Variants in RAD18 observed in about 807,000 individuals in gnomAD.
RAD18 encodes the protein RAD18 E3 ubiquitin protein ligase, also known as E3 ubiquitin-protein ligase RAD18.
Under a neutral mutation model 60.4 loss-of-function variants are expected in RAD18, and 47 were observed. That is an observed-to-expected ratio of 0.78 (90% CI 0.62 to 0.99). The LOEUF (loss-of-function observed/expected upper bound fraction) is 0.99, where lower values mean the gene tolerates loss of function less well. Ranked by LOEUF, RAD18 falls within the 50% of genes least tolerant of loss-of-function variation. The pLI is 0.00. For missense variants in RAD18, 640 were observed against 593.3 expected, an observed-to-expected ratio of 1.08 and a Z score of -0.82; for synonymous variants, 225 against 195.5, an observed-to-expected ratio of 1.15 and a Z score of -1.26.
At chr3:8,961,653 A>T (rs1373419229) in intron 1 of RAD18, among the ~76,000 whole-genome samples, 1 of 152,188 alleles carries the variant, frequency 6.6e-6, no homozygotes, top group Non-Finnish European at 1.5e-5. Flanking sequence ...TGTGTTATAA[A>T]GGAGATTAAA....
At chr3:8,956,750 T>TAAAAAAAAA (rs59945420) in intron 2 of RAD18, among the ~76,000 whole-genome samples, 3,177 of 137,646 alleles carry the variant, frequency 0.023, 63 homozygotes, top group Non-Finnish European at 0.031. Context: ...ATTCATGATT[T>TAAAAAAAAA]AAAAAAAAAA....
chr3:8,887,070 C>G (rs757757282), intron 12 of RAD18, among the ~76,000 whole-genome samples: 8 of 152,168 alleles, frequency 5.3e-5, no homozygotes, highest in Non-Finnish European at 8.8e-5. Flanking sequence ...AAAGGGCCTG[C>G]AGGAGTAAGC....
At chr3:8,954,583 A>G (rs1481125117) in intron 2 of RAD18, among the ~76,000 whole-genome samples, 1 of 152,186 alleles carries the variant, frequency 6.6e-6, no homozygotes, top group Non-Finnish European at 1.5e-5. Flanking sequence ...ATTTGGATCA[A>G]TTTAATTGAC....
chr3:8,958,247 T>G lies in RAD18; in HGVS notation c.133+673A>C, dbSNP rs528035413. On this transcript the variant is annotated intron_variant, in intron 2 of 12. Transcript: ENST00000264926. ...TTTCTTAGGCCTAAGTTGACTGTTT[T>G]TAACTTTCCAAGATAAATCAACTTG... Among the ~76,000 whole-genome samples, 6 of 152,340 alleles carry G rather than the reference T, an allele frequency of 3.9e-5. No individual in the cohort carries two copies. The South Asian group carries it at 1.0e-3, about 26-fold the overall frequency.
chr3:8,936,198 A>G, intron 6 of RAD18, 143 bp from the exon 7 acceptor site: 1 of 834,770 alleles, frequency 1.2e-6, no homozygotes, highest in East Asian at 2.9e-5. Flanking sequence ...AGAAAAATCA[A>G]GTTTGTGGAT....
At chr3:8,929,946 A>T (rs1940521515) in intron 7 of RAD18, among the ~76,000 whole-genome samples, 1 of 152,128 alleles carries the variant, frequency 6.6e-6, no homozygotes. Context: ...TGCGCCCGGC[A>T]CAGCTGGAAC....
chr3:8,907,435 G>A (rs1940029825), intron 9 of RAD18, among the ~76,000 whole-genome samples: 1 of 152,108 alleles, frequency 6.6e-6, no homozygotes, highest in Non-Finnish European at 1.5e-5. Flanking sequence ...CAGAATGGCT[G>A]GGCTCCTGGC....
intron 2 of RAD18, among the ~76,000 whole-genome samples, chr3:8,951,886 C>G (rs1346789033): frequency 6.6e-6 from 1 of 152,066 alleles, no homozygotes. Context: ...ATGCTGAAAG[C>G]TCTCTTTCTG....
chr3:8,962,110 A>G (rs648153), intron 1 of RAD18, among the ~76,000 whole-genome samples: 129,082 of 152,302 alleles, frequency 0.85, 55,009 homozygotes, highest in African/African-American at 0.92. Context: ...GTGAATACAC[A>G]GCAGAATCTG....
Position 8,940,334 on chromosome 3 carries a change from A to G in RAD18, c.605-681T>C, listed in dbSNP as rs9837891. Among the ~76,000 whole-genome samples the G allele has an allele frequency of 2.7e-3, 407 of 152,268 alleles. 2 individuals are homozygous for G. Among genetic ancestry groups the G allele is most frequent in the African/African-American group, 9.1e-3 (378 of 41,568 alleles). On this transcript the variant is annotated intron_variant, in intron 5 of 12. Transcript: ENST00000264926. ...ACGTTATGGTTTATCGTAAAATTTC[A>G]TTTGGGAAAAAAGGTTCCGCTAGGG... is the stretch of plus-strand genomic sequence containing the variant.
At position 8,910,525 on chromosome 3, in the gene RAD18, G is replaced by A. The variant is rs548991376; in HGVS notation, c.1027+1787C>T. Among the ~76,000 whole-genome samples, 11 of 151,894 alleles carry A rather than the reference G, an allele frequency of 7.2e-5. No individual in the cohort carries two copies. In the South Asian group the frequency reaches 1.7e-3, roughly 23 times the overall value. ...CAGGAGGCTGAGGCAGGAGAATGGC[G>A]TGAACCCAGGAGGCAGAGCTTGCAG... On this transcript the variant is annotated intron_variant, in intron 9 of 12. Coordinates refer to ENST00000264926, the MANE Select transcript of RAD18 (RefSeq NM_020165.4).
At chr3:8,938,501 C>T (rs1328537460) in intron 6 of RAD18, among the ~76,000 whole-genome samples, 1 of 152,210 alleles carries the variant, frequency 6.6e-6, no homozygotes, top group Non-Finnish European at 1.5e-5. Context: ...CTTTCATCCC[C>T]ACTTCTCAGA....
Position 8,941,582 on chromosome 3 carries a change from C to T in RAD18, c.489G>A (p.Ala163=), listed in dbSNP as rs1463733637. 7 of 1,614,118 alleles carry T rather than the reference C, an allele frequency of 4.3e-6. No individual in the cohort carries two copies. The highest frequency in any genetic ancestry group is 2.2e-5 in the East Asian group (1 of 44,884). ...NKSKFSPQKE[A]SPAAKTKETR... The stretch of plus-strand genomic sequence containing the variant: ...TCTCTTTGGTCTTTGCAGCAGGGCT[C>T]GCCTCTTTTTGAGGGCTGAATTTGC... The change falls in exon 5 of 13, where the codon GCG becomes GCA. Residue 163 remains alanine, a synonymous_variant. Coordinates refer to ENST00000264926, the MANE Select transcript of RAD18 (RefSeq NM_020165.4).
At chr3:8,893,796 A>C (rs1939739253) in intron 11 of RAD18, among the ~76,000 whole-genome samples, 1 of 150,396 alleles carries the variant, frequency 6.6e-6, no homozygotes, top group Non-Finnish European at 1.5e-5. Context: ...TCCTGTGCTC[A>C]AGGAATCCTC....
intron 9 of RAD18, among the ~76,000 whole-genome samples, chr3:8,908,388 A>C (rs1188380953): frequency 6.6e-6 from 1 of 152,160 alleles, no homozygotes; most frequent in East Asian, 1.9e-4. Context: ...CCCTAATCCA[A>C]TATGACTGAT....
At chr3:8,924,740 C>G (rs552918677) in intron 7 of RAD18, among the ~76,000 whole-genome samples, 2 of 128,648 alleles carry the variant, frequency 1.6e-5, no homozygotes, top group African/African-American at 5.9e-5. Context: ...CAAACTAGAA[C>G]TCAGGATTAA....
chr3:8,912,037 C>A (rs948609552), intron 9 of RAD18, among the ~76,000 whole-genome samples: 3 of 152,154 alleles, frequency 2.0e-5, no homozygotes, highest in Non-Finnish European at 2.9e-5. Flanking sequence ...ATCCCAGCTT[C>A]TTTTCACAGA....
chr3:8,884,691 T>C (rs1019032785), intron 12 of RAD18, among the ~76,000 whole-genome samples: 1 of 152,206 alleles, frequency 6.6e-6, no homozygotes, highest in Admixed American at 6.5e-5. Flanking sequence ...GACACAGCTA[T>C]TGAGGTAGTG....
chr3:8,881,267 C>T lies in RAD18; in HGVS notation c.*90G>A. Reference sequence around the variant, plus strand: ...TAATATTTAGAATTTAGCATCTTTCCTTGGGCATTTATAAATAGAAAATCT... The same window carrying T: ...TAATATTTAGAATTTAGCATCTTTCTTTGGGCATTTATAAATAGAAAATCT... On this transcript the variant is annotated 3_prime_UTR_variant, in exon 13 of 13. Transcript: ENST00000264926. 1 of 1,034,428 alleles carries T rather than the reference C, an allele frequency of 9.7e-7. No homozygotes were observed. Among genetic ancestry groups the T allele is most frequent in the Non-Finnish European group, 1.5e-6 (1 of 689,642 alleles). The allele number at this position is 1,034,428 out of a possible 1,614,324, so 64.1% of individuals were successfully genotyped here. A position where few individuals can be genotyped will look rare whatever the true frequency, so the allele number is the denominator to read the frequency against.
Sources: gnomAD v4.1 joint callset for allele counts (sites outside exome capture counted in the v4.1 genomes callset) on GRCh38, gnomAD v4.1.1 for gene constraint, MANE v1.5 for transcripts, NCBI Gene and HGNC (gene_info 2026-07-23, HGNC 2026-07-21) for gene names.